HACL2: variants seen among roughly 807,000 people sequenced by gnomAD.
The protein encoded by HACL2 is 2-hydroxyacyl-CoA lyase 2.
the HACL2 span, chr19:15,116,741 A>T: frequency 2.0e-5 from 11 of 561,702 alleles, no homozygotes; most frequent in Non-Finnish European, 3.5e-5. Context: ...GGCCCAAGAA[A>T]CAAGGGTTAA....
At chr19:15,122,578 C>T in the HACL2 span, 1 of 844,488 alleles carries the variant, frequency 1.2e-6, no homozygotes, top group Non-Finnish European at 1.9e-6. The surrounding 1 kb of genome is among the most constrained non-coding windows in gnomAD (Gnocchi z 4.0). Flanking sequence ...GAATGCTCTC[C>T]CCCCAGCTGT....
the HACL2 span, chr19:15,117,641 T>G: frequency 4.8e-6 from 2 of 419,450 alleles, no homozygotes; most frequent in Admixed American, 7.2e-5. Flanking sequence ...ATTGCACTAC[T>G]GCATTCCAGC....
the HACL2 span, chr19:15,120,029 G>T: frequency 3.2e-6 from 5 of 1,550,710 alleles, no homozygotes; most frequent in Non-Finnish European, 3.5e-6. Flanking sequence ...GGTCCCTCGG[G>T]CTGAGGCTCC....
chr19:15,119,919 C>A, the HACL2 span: 2 of 1,141,928 alleles, frequency 1.8e-6, no homozygotes, highest in South Asian at 1.5e-5. Context: ...GGGAGAGGGT[C>A]AGGGGGCCCT....
chr19:15,122,981 A>T, the HACL2 span: 5 of 1,603,380 alleles, frequency 3.1e-6, no homozygotes, highest in Non-Finnish European at 4.2e-6. The surrounding 1 kb of genome is among the most constrained non-coding windows in gnomAD (Gnocchi z 4.0). Context: ...AAACTTACAG[A>T]GTGGCCGGAA....
chr19:15,121,372 C>T, the HACL2 span, among the ~76,000 whole-genome samples: 1 of 152,110 alleles, frequency 6.6e-6, no homozygotes, highest in Admixed American at 6.6e-5. Context: ...GATGATGCCC[C>T]GTGCCTGTCC....
chr19:15,119,626 C>G, the HACL2 span: 1 of 902,194 alleles, frequency 1.1e-6, no homozygotes, highest in Non-Finnish European at 1.7e-6. Context: ...TCTCAGCTCA[C>G]TGCAGCCTCC....
At chr19:15,120,683 A>T in the HACL2 span, among the ~76,000 whole-genome samples, 1 of 152,216 alleles carries the variant, frequency 6.6e-6, no homozygotes, top group African/African-American at 2.4e-5. Context: ...ATCCAGCGAA[A>T]GACAGACACA....
At chr19:15,124,927 T>C in the HACL2 span, 37 of 1,605,570 alleles carry the variant, frequency 2.3e-5, no homozygotes, top group African/African-American at 4.9e-4. Context: ...CCCCGCACCT[T>C]GTGCAGCAGC....
At chr19:15,122,562 T>A in the HACL2 span, 1 of 761,330 alleles carries the variant, frequency 1.3e-6, no homozygotes, top group African/African-American at 1.7e-5. The surrounding 1 kb of genome is among the most constrained non-coding windows in gnomAD (Gnocchi z 4.0). Context: ...CTGTTCCTTC[T>A]ACCTGGAATG....
At chr19:15,116,125 C>A in the HACL2 span, 2 of 1,613,306 alleles carry the variant, frequency 1.2e-6, no homozygotes, top group Non-Finnish European at 1.7e-6. Context: ...ATGGTGCCCA[C>A]TGCCCCAGGC....
the HACL2 span, chr19:15,117,897 G>T: frequency 6.2e-7 from 1 of 1,614,002 alleles, no homozygotes; most frequent in South Asian, 1.1e-5. Context: ...CAGCCTCCTG[G>T]GGCTTCCAGA....
chr19:15,116,455 C>T, the HACL2 span: 1 of 1,614,004 alleles, frequency 6.2e-7, no homozygotes, highest in South Asian at 1.1e-5. Flanking sequence ...GCTCCTCCAC[C>T]CAGTCTGGGG....
the HACL2 span, chr19:15,125,085 C>T: frequency 5.5e-5 from 84 of 1,515,230 alleles, no homozygotes; most frequent in East Asian, 1.9e-3. Context: ...AGAGAAAGGG[C>T]ACTTCCCAGA....
the HACL2 span, among the ~76,000 whole-genome samples, chr19:15,120,619 G>A: frequency 6.6e-6 from 1 of 152,200 alleles, no homozygotes; most frequent in Non-Finnish European, 1.5e-5. Flanking sequence ...CCTGTGCAGG[G>A]CCCTGGAGAC....
At chr19:15,123,649 C>A in the HACL2 span, 2 of 1,427,242 alleles carry the variant, frequency 1.4e-6, no homozygotes, top group East Asian at 4.6e-5. The surrounding 1 kb of genome is among the most constrained non-coding windows in gnomAD (Gnocchi z 5.1). Flanking sequence ...GGGGCAATCC[C>A]CCTGCCCCAG....
the HACL2 span, chr19:15,119,908 A>G: frequency 2.0e-6 from 2 of 1,015,824 alleles, no homozygotes; most frequent in South Asian, 1.6e-5. Context: ...GTACTGACTC[A>G]GGGAGAGGGT....
At chr19:15,116,185 G>T in the HACL2 span, 2 of 1,613,744 alleles carry the variant, frequency 1.2e-6, no homozygotes, top group Non-Finnish European at 1.7e-6. Flanking sequence ...CCGCGGGGCT[G>T]TACCAGATGG....
the HACL2 span, chr19:15,120,034 G>A: frequency 3.2e-6 from 5 of 1,550,798 alleles, no homozygotes; most frequent in Non-Finnish European, 4.4e-6. Context: ...CTCGGGCTGA[G>A]GCTCCCAGGC....
Sources: allele counts gnomAD v4.1 joint callset (sites outside exome capture counted in the v4.1 genomes callset), GRCh38; gene constraint gnomAD v4.1.1; non-coding constraint Gnocchi (gnomAD v3.1); transcripts MANE v1.5; gene names NCBI Gene and HGNC (gene_info 2026-07-23, HGNC 2026-07-21).